Variants in MVB12B observed in about 807,000 individuals in gnomAD.
MVB12B encodes the protein multivesicular body subunit 12B.
A neutral mutation model predicts 41.6 loss-of-function variants in MVB12B; 16 were observed. The ratio of observed to expected loss-of-function variants is 0.38; its 90% CI spans 0.26 to 0.58. The LOEUF (loss-of-function observed/expected upper bound fraction) is 0.58, where lower values mean the gene tolerates loss of function less well. Among genes scored for constraint, MVB12B ranks in the 20% least tolerant of loss-of-function variants. The pLI, the probability that MVB12B is intolerant of heterozygous loss-of-function variation, is 0.62. For synonymous variants in MVB12B, 133 were observed against 139.7 expected, an observed-to-expected ratio of 0.95 and a Z score of 0.34; for missense variants, 274 against 380.2, an observed-to-expected ratio of 0.72 and a Z score of 2.32.
At chr9:126,439,128 C>T (rs1588173461) in intron 7 of MVB12B, among the ~76,000 whole-genome samples, 1 of 152,172 alleles carries the variant, frequency 6.6e-6, no homozygotes. Context: ...ACACTGATTG[C>T]TCTTCATACA....
chr9:126,505,827 C>T lies in MVB12B; in HGVS notation c.*2564C>T, dbSNP rs1320130143. 1.3e-5 allele frequency: 2 copies of T among 152,200 alleles called. No individual in the cohort carries two copies. Among genetic ancestry groups the T allele is most frequent in the African/African-American group, 4.8e-5 (2 of 41,442 alleles). The allele number at this position is 152,200 out of a possible 1,614,324, so 9.4% of individuals were successfully genotyped here. On this transcript the variant is annotated 3_prime_UTR_variant, in exon 10 of 10. Coordinates refer to ENST00000361171, the MANE Select transcript of MVB12B (RefSeq NM_033446.3). ...GAGAGTACTTTTCTCCACGAGCCCT[C>T]TGGCCACTGTGGGAGGGAAGGACAA...
intron 2 of MVB12B, among the ~76,000 whole-genome samples, chr9:126,364,844 C>T (rs368107251): frequency 2.6e-5 from 4 of 151,818 alleles, no homozygotes; most frequent in African/African-American, 4.8e-5. Context: ...CTCCGCCTCC[C>T]GGGTTCACGC....
intron 7 of MVB12B, among the ~76,000 whole-genome samples, chr9:126,466,378 G>A (rs1833198488): frequency 6.6e-6 from 1 of 152,200 alleles, no homozygotes; most frequent in Admixed American, 6.5e-5. Flanking sequence ...TTACGTCTCT[G>A]CTGGTGTCAT....
intron 1 of MVB12B, among the ~76,000 whole-genome samples, chr9:126,339,227 T>C (rs112074580): frequency 0.012 from 1,896 of 152,304 alleles, 21 homozygotes; most frequent in Non-Finnish European, 0.02. Context: ...AAGGCTGCAG[T>C]CATTTTTAAT....
chr9:126,375,061 T>C lies in MVB12B; in HGVS notation c.205-6003T>C, dbSNP rs921162478. ...TTCCCTCTAGTACTTTATCTCCATA[T>C]TTCTAAGTAATTTTATTATATTGCT... On this transcript the variant is annotated intron_variant, in intron 2 of 9. Transcript: ENST00000361171. Among the ~76,000 whole-genome samples the C allele has an allele frequency of 4.6e-5, 7 of 152,330 alleles. No homozygotes were observed. In the East Asian group the frequency reaches 1.3e-3, roughly 29 times the overall value.
chr9:126,405,247 T>C (rs1831386281), intron 6 of MVB12B, among the ~76,000 whole-genome samples: 1 of 152,158 alleles, frequency 6.6e-6, no homozygotes. Flanking sequence ...TGTTTGCTTT[T>C]TTGTTGTTAT....
chr9:126,493,600 A>G (rs1485369099), intron 9 of MVB12B, among the ~76,000 whole-genome samples: 2 of 152,202 alleles, frequency 1.3e-5, no homozygotes, highest in Non-Finnish European at 1.5e-5. Context: ...TTGGAACTGC[A>G]TTGAGCACAT....
At position 126,503,617 on chromosome 9, in the gene MVB12B, C is replaced by T. The variant is rs4837095; in HGVS notation, c.*354C>T. ...GCCCTGGCCGCCCAGTGACGCCCACCGGCTCCCTCCGCTCCCTCCTGTCAC... is the reference window on the plus strand; with the variant it reads ...GCCCTGGCCGCCCAGTGACGCCCACTGGCTCCCTCCGCTCCCTCCTGTCAC... On this transcript the variant is annotated 3_prime_UTR_variant, in exon 10 of 10. Coordinates refer to ENST00000361171, the MANE Select transcript of MVB12B (RefSeq NM_033446.3). The T allele has an allele frequency of 3.6e-3, 1,151 of 319,452 alleles. 17 individuals carry two copies. Among genetic ancestry groups the T allele is most frequent in the Admixed American group, 0.03 (614 of 20,684 alleles). The allele number at this position is 319,452 out of a possible 1,614,324, so 19.8% of individuals were successfully genotyped here. A position where few individuals can be genotyped will look rare whatever the true frequency, so the allele number is the denominator to read the frequency against.
intron 2 of MVB12B, among the ~76,000 whole-genome samples, chr9:126,363,755 C>T (rs2118900262): frequency 6.6e-6 from 1 of 152,196 alleles, no homozygotes; most frequent in East Asian, 1.9e-4. Flanking sequence ...TTCATGTTCT[C>T]ATTCTGCCCC....
intron 9 of MVB12B, among the ~76,000 whole-genome samples, chr9:126,500,965 G>C (rs538712052): frequency 6.6e-6 from 1 of 152,238 alleles, no homozygotes; most frequent in Non-Finnish European, 1.5e-5. Flanking sequence ...GCTACCTTGG[G>C]AGTCCCGCGC....
chr9:126,404,000 C>T (rs1831345449), intron 6 of MVB12B, among the ~76,000 whole-genome samples: 1 of 137,046 alleles, frequency 7.3e-6, no homozygotes, highest in South Asian at 2.3e-4. Flanking sequence ...GTCGCCCAGG[C>T]TGGAGTGCAG....
intron 2 of MVB12B, among the ~76,000 whole-genome samples, chr9:126,369,433 A>T (rs542658695): frequency 6.6e-6 from 1 of 152,338 alleles, no homozygotes; most frequent in African/African-American, 2.4e-5. Context: ...ATGTTTCACC[A>T]AATTTCTGTC....
chr9:126,472,638 C>A (rs1179011045), intron 7 of MVB12B, among the ~76,000 whole-genome samples: 2 of 152,120 alleles, frequency 1.3e-5, no homozygotes, highest in Non-Finnish European at 2.9e-5. Context: ...TGAATGAGCT[C>A]ATTGTTTTCT....
rs142481655 is a variant in MVB12B at position 126,375,495 on chromosome 9, C to G, written c.205-5569C>G. On this transcript the variant is annotated intron_variant, in intron 2 of 9. Transcript: ENST00000361171. ...AAAGTACAGTTCTAAATGCTCTCCC[C>G]TCCACATCCCCTCCTCCCCAGAGGT... Among the ~76,000 whole-genome samples the G allele has an allele frequency of 1.6e-4, 25 of 151,858 alleles. No individual in the cohort carries two copies. The East Asian group carries it at 4.8e-3, about 29-fold the overall frequency.
intron 7 of MVB12B, among the ~76,000 whole-genome samples, chr9:126,434,994 T>A (rs1266141862): frequency 6.6e-6 from 1 of 152,194 alleles, no homozygotes; most frequent in Non-Finnish European, 1.5e-5. Context: ...TGAGAGGACC[T>A]GGGTCTTAGA....
At chr9:126,467,529 A>G (rs1016887829) in intron 7 of MVB12B, among the ~76,000 whole-genome samples, 3 of 152,246 alleles carry the variant, frequency 2.0e-5, no homozygotes, top group Admixed American at 2.0e-4. Context: ...GTTCCTCATC[A>G]GATTTTCACC....
At chr9:126,347,180 G>A (rs1038341823) in intron 2 of MVB12B, among the ~76,000 whole-genome samples, 1 of 152,238 alleles carries the variant, frequency 6.6e-6, no homozygotes. Flanking sequence ...GGGCCCTTGA[G>A]GGGGCAGAGG....
At position 126,392,306 on chromosome 9, in the gene MVB12B, A is replaced by T; in HGVS notation, c.539+111A>T. The stretch of plus-strand genomic sequence containing the variant: ...CATGCAGCCCCCCAGGCTCTCAGCC[A>T]TGGGCCTCTGTCAGCCCAGTGCTCC... On this transcript the variant is annotated intron_variant, in intron 5 of 9. Transcript: ENST00000361171. This position sits in a 1 kb window ranked among gnomAD's most constrained non-coding sequence, Gnocchi z 4.8. 7.6e-7 allele frequency: 1 copy of T among 1,313,972 alleles called. No individual in the cohort carries two copies. Among genetic ancestry groups the T allele is most frequent in the Non-Finnish European group, 1.1e-6 (1 of 936,728 alleles). 81.4% of individuals were successfully genotyped at this position (1,313,972 alleles called of 1,614,324 possible). A position where few individuals can be genotyped will look rare whatever the true frequency, so the allele number is the denominator to read the frequency against.
At chr9:126,487,766 C>CAAAA (rs570639548) in intron 9 of MVB12B, among the ~76,000 whole-genome samples, 4 of 108,904 alleles carry the variant, frequency 3.7e-5, no homozygotes, top group East Asian at 4.7e-4. Flanking sequence ...GACTCCGTCT[C>CAAAA]AAAAAAAAAA....
Sources: allele counts gnomAD v4.1 joint callset (sites outside exome capture counted in the v4.1 genomes callset), GRCh38; gene constraint gnomAD v4.1.1; non-coding constraint Gnocchi (gnomAD v3.1); transcripts MANE v1.5; gene names NCBI Gene and HGNC (gene_info 2026-07-23, HGNC 2026-07-21).